TJP3: variants seen among roughly 807,000 people sequenced by gnomAD.
TJP3 encodes tight junction protein ZO-3.
In TJP3, 85 loss-of-function variants were observed where a neutral mutation model predicts 104.2. The observed-to-expected ratio is 0.82, with a 90% CI of 0.68 to 0.98. TJP3 has a LOEUF of 0.98. TJP3 is among the 50% of genes least tolerant of loss of function. The pLI, the probability that TJP3 is intolerant of heterozygous loss-of-function variation, is 0.00. For synonymous variants in TJP3, 550 were observed against 550.6 expected, an observed-to-expected ratio of 1.00 and a Z score of 0.02; for missense variants, 1,367 against 1,322.8, an observed-to-expected ratio of 1.03 and a Z score of -0.52.
chr19:3,711,748 A>AAAAAAG (rs377487730), intron 1 of TJP3, among the ~76,000 whole-genome samples: 75,123 of 127,760 alleles, frequency 0.59, 24,681 homozygotes, highest in East Asian at 0.96. Context: ...AAAAAAAAAA[A>AAAAAAG]AAAGGTGCTT....
In TJP3 at chr19:3,746,438, A is replaced by G. The variant is rs932412031; in HGVS notation, c.2011-47A>G. ...TCTTTCTATCTTTCTCTCTCTGTTT[A>G]CCCTGCTGCAATCCCCCTCACCCCA... On this transcript the variant is annotated intron_variant, in intron 16 of 20. Coordinates refer to ENST00000541714, the MANE Select transcript of TJP3 (RefSeq NM_001267560.2). This position sits in a 1 kb window ranked among gnomAD's most constrained non-coding sequence, Gnocchi z 4.1. 6.3e-7 allele frequency: 1 copy of G among 1,590,880 alleles called. No homozygotes were observed. Among genetic ancestry groups the G allele is most frequent in the Admixed American group, 1.7e-5 (1 of 59,654 alleles).
intron 14 of TJP3, among the ~76,000 whole-genome samples, chr19:3,741,628 A>AAG (rs2036821675): frequency 9.2e-6 from 1 of 108,400 alleles, no homozygotes; most frequent in African/African-American, 3.4e-5. Flanking sequence ...CTGTCTTCAA[A>AAG]AGAAAAAAAA....
At chr19:3,731,912 G>A (rs753261900) in intron 5 of TJP3, 23 bp from the exon 6 acceptor site, 3 of 1,606,374 alleles carry the variant, frequency 1.9e-6, no homozygotes, top group Non-Finnish European at 2.6e-6. Flanking sequence ...TCCTGCCTCA[G>A]TTTCCCTCCT....
At chr19:3,739,194 G>A in intron 13 of TJP3, 60 bp downstream of exon 13, 1 of 1,443,868 alleles carries the variant, frequency 6.9e-7, no homozygotes, top group South Asian at 1.4e-5. Context: ...CTCCCCGTTA[G>A]AAATGGGCTC....
At chr19:3,750,317 G>A in intron 20 of TJP3, 133 bp downstream of exon 20, 1 of 1,236,848 alleles carries the variant, frequency 8.1e-7, no homozygotes, top group Non-Finnish European at 1.2e-6. Context: ...GCCTGCCAGA[G>A]CCTCTCTAAG....
chr19:3,727,203 G>A lies in TJP3; in HGVS notation c.-9-1221G>A, dbSNP rs146789958. ...TATTAAATGAGATAGTACATGTAAGGCTGGGCGCGGTGGCTCATGCCTGTA... is the reference window on the plus strand; with the variant it reads ...TATTAAATGAGATAGTACATGTAAGACTGGGCGCGGTGGCTCATGCCTGTA... On this transcript the variant is annotated intron_variant, in intron 1 of 20. Coordinates refer to ENST00000541714, the MANE Select transcript of TJP3 (RefSeq NM_001267560.2). Among the ~76,000 whole-genome samples the A allele has an allele frequency of 6.7e-3, 1,012 of 152,174 alleles. 11 individuals are homozygous for A. Among genetic ancestry groups the A allele is most frequent in the South Asian group, 0.024 (116 of 4,804 alleles).
chr19:3,724,909 A>T (rs2145676114), intron 1 of TJP3, among the ~76,000 whole-genome samples: 1 of 152,306 alleles, frequency 6.6e-6, no homozygotes, highest in East Asian at 1.9e-4. Context: ...AGTTTTGAAA[A>T]ATAAGCTCAG....
At chr19:3,741,223 G>A (rs1480051505) in intron 14 of TJP3, among the ~76,000 whole-genome samples, 1 of 151,754 alleles carries the variant, frequency 6.6e-6, no homozygotes, top group Non-Finnish European at 1.5e-5. Context: ...GGCTGGTCTT[G>A]AACTCGTGAC....
At chr19:3,749,291 A>T (rs1244419224) in intron 19 of TJP3, among the ~76,000 whole-genome samples, 1 of 152,138 alleles carries the variant, frequency 6.6e-6, no homozygotes, top group Non-Finnish European at 1.5e-5. Flanking sequence ...AAGTTTTGGC[A>T]CATAGTAGTT....
At chr19:3,717,596 T>G (rs953026806) in intron 1 of TJP3, among the ~76,000 whole-genome samples, 1 of 151,530 alleles carries the variant, frequency 6.6e-6, no homozygotes, top group African/African-American at 2.4e-5. Flanking sequence ...CCACCATCCT[T>G]GGCTAATTTT....
chr19:3,737,752 T>A (rs1178281655), intron 11 of TJP3, among the ~76,000 whole-genome samples: 2 of 152,182 alleles, frequency 1.3e-5, no homozygotes, highest in Non-Finnish European at 2.9e-5. Flanking sequence ...GATGCCAAAT[T>A]GCCTGAGGGT....
chr19:3,745,374 C>A (rs953148971), intron 15 of TJP3, among the ~76,000 whole-genome samples: 1 of 151,980 alleles, frequency 6.6e-6, no homozygotes, highest in South Asian at 2.1e-4. Context: ...AAACTTCTGA[C>A]CTCAGGTGAT....
intron 14 of TJP3, among the ~76,000 whole-genome samples, chr19:3,742,698 T>G (rs1259746827): frequency 2.7e-5 from 4 of 146,858 alleles, no homozygotes; most frequent in Non-Finnish European, 6.0e-5. Context: ...ATCCCAGCAC[T>G]TTGGGAGGCC....
chr19:3,749,992 G>C (rs1373189438), intron 19 of TJP3, 146 bp from the exon 20 acceptor site: 19 of 957,764 alleles, frequency 2.0e-5, no homozygotes, highest in Non-Finnish European at 3.1e-5. Context: ...ATTTAGATTT[G>C]GGGATGACCT....
chr19:3,750,450 C>T (rs1261502449), intron 20 of TJP3, 132 bp from the exon 21 acceptor site: 1 of 830,670 alleles, frequency 1.2e-6, no homozygotes, highest in African/African-American at 1.7e-5. Context: ...TTAACAAGGC[C>T]CTACCCATGA....
chr19:3,721,766 G>C (rs944840909), intron 1 of TJP3: 1 of 439,358 alleles, frequency 2.3e-6, no homozygotes, highest in African/African-American at 2.0e-5. Context: ...GGAGGGAGGA[G>C]GACGAGAGCC....
chr19:3,720,968 C>T (rs2036536779), intron 1 of TJP3, among the ~76,000 whole-genome samples: 1 of 135,300 alleles, frequency 7.4e-6, no homozygotes, highest in Non-Finnish European at 1.5e-5. Flanking sequence ...AGTGCAGTGG[C>T]GTGATATCAG....
chr19:3,747,462 G>A lies in TJP3; in HGVS notation c.2323-332G>A, dbSNP rs565353265. ...AGGCAGGAGAATCACTTGAACCCGG[G>A]AGGCAGAGGTTGCAGTGAGCAGAGA... On this transcript the variant is annotated intron_variant, in intron 18 of 20. Coordinates refer to ENST00000541714, the MANE Select transcript of TJP3 (RefSeq NM_001267560.2). 2.3e-4 allele frequency among the ~76,000 whole-genome samples: 35 copies of A among 152,252 alleles called. 1 individual carries two copies. Among genetic ancestry groups the A allele is most frequent in the Admixed American group, 2.2e-3 (34 of 15,300 alleles).
rs576980632 is a variant in TJP3 at position 3,716,607 on chromosome 19, C to G, written c.-10+8046C>G. 1.1e-3 allele frequency among the ~76,000 whole-genome samples: 159 copies of G among 146,770 alleles called. 13 individuals carry two copies. Among genetic ancestry groups the G allele is most frequent in the Non-Finnish European group, 1.9e-3 (125 of 65,502 alleles). On this transcript the variant is annotated intron_variant, in intron 1 of 20. Coordinates refer to ENST00000541714, the MANE Select transcript of TJP3 (RefSeq NM_001267560.2). ...CATGGCCCGGGAGCCCCATTCACTG[C>G]TAGGACTTTAACCCACTTATTTCTT...
Sources: allele counts gnomAD v4.1 joint callset (sites outside exome capture counted in the v4.1 genomes callset), GRCh38; gene constraint gnomAD v4.1.1; non-coding constraint Gnocchi (gnomAD v3.1); transcripts MANE v1.5; gene names NCBI Gene and HGNC (gene_info 2026-07-23, HGNC 2026-07-21).